MPHOSPH9: variants seen among roughly 807,000 people sequenced by gnomAD.
MPHOSPH9 encodes M-phase phosphoprotein 9.
A neutral mutation model predicts 145.5 loss-of-function variants in MPHOSPH9; 88 were observed. The ratio of observed to expected loss-of-function variants is 0.60; its 90% CI spans 0.51 to 0.72. MPHOSPH9 has a LOEUF of 0.72. Among genes scored for constraint, MPHOSPH9 ranks in the 30% least tolerant of loss-of-function variants. MPHOSPH9 has a pLI of 0.00. For synonymous variants in MPHOSPH9, 435 were observed against 486.2 expected (o/e 0.89, Z 1.39); for missense variants, 1,238 against 1,386.6 (o/e 0.89, Z 1.70).
intron 3 of MPHOSPH9, chr12:123,226,341 T>C (rs1370304951): frequency 4.2e-6 from 5 of 1,179,850 alleles, no homozygotes; most frequent in Non-Finnish European, 5.4e-6. Flanking sequence ...TCATTTCGCT[T>C]ACTCTACATT....
chr12:123,186,503 G>T (rs2045451263), intron 13 of MPHOSPH9, among the ~76,000 whole-genome samples: 1 of 152,024 alleles, frequency 6.6e-6, no homozygotes. Flanking sequence ...CATGGGAGGG[G>T]AGAGAAAGGA....
intron 4 of MPHOSPH9, 77 bp from the exon 5 acceptor site, chr12:123,221,972 A>G: frequency 1.3e-6 from 1 of 768,312 alleles, no homozygotes; most frequent in East Asian, 2.7e-5. Flanking sequence ...CAAGAATATC[A>G]TGTTTCAAAA....
rs1159487185 is a variant in MPHOSPH9 at position 123,159,203 on chromosome 12, C to T, written c.3450+1578G>A. 4.6e-5 allele frequency among the ~76,000 whole-genome samples: 7 copies of T among 152,086 alleles called. No homozygotes were observed. Among genetic ancestry groups the T allele is most frequent in the Admixed American group, 4.6e-4 (7 of 15,268 alleles). ...TTTCAGAGACGGAGTCTTGCTCTGT[C>T]ACCCAGGCCGAGTGCAGTGGCACGA... On this transcript the variant is annotated intron_variant, in intron 23 of 23. Transcript: ENST00000606320. The surrounding 1 kb of genome is among the most constrained non-coding windows in gnomAD (Gnocchi z 4.3).
At chr12:123,236,336 G>A (rs2047849806), upstream of MPHOSPH9, among the ~76,000 whole-genome samples, 1 of 151,956 alleles carries the variant, frequency 6.6e-6, no homozygotes, top group African/African-American at 2.4e-5. Flanking sequence ...GCTCACGCCT[G>A]TAATCCCATC....
chr12:123,198,793 G>C (rs1447110562), intron 11 of MPHOSPH9, among the ~76,000 whole-genome samples: 3 of 106,800 alleles, frequency 2.8e-5, no homozygotes, highest in African/African-American at 1.1e-4. Context: ...CTGAGTGACA[G>C]AGTGAGAACC....
chr12:123,243,529 CAA>C (rs55817401), intron 1 of MPHOSPH9, among the ~76,000 whole-genome samples: 13,643 of 117,634 alleles, frequency 0.12, 735 homozygotes, highest in East Asian at 0.3. Context: ...GACTCCGTCT[CAA>C]AAAAAAAAAA....
chr12:123,197,987 G>C (rs1027151561), intron 12 of MPHOSPH9, among the ~76,000 whole-genome samples: 12 of 151,552 alleles, frequency 7.9e-5, no homozygotes, highest in African/African-American at 2.7e-4. Context: ...AGGAGGCTGA[G>C]GCAGGAGAAT....
At chr12:123,165,538 G>C (rs1208182103) in intron 17 of MPHOSPH9, 61 bp from the exon 18 acceptor site, 3 of 1,413,634 alleles carry the variant, frequency 2.1e-6, no homozygotes, top group Non-Finnish European at 2.9e-6. Context: ...CTTGCCCCCC[G>C]CCCCCACACC....
Position 123,203,294 on chromosome 12 carries a change from C to T in MPHOSPH9, c.1276G>A (p.Glu426Lys). The change falls in exon 9 of 24, where the codon GAG (glutamate) becomes AAG (lysine). Residue 426 changes from glutamate to lysine, a missense_variant. Physicochemically the swap from Glu to Lys is moderately conservative, Grantham distance 56 (BLOSUM62 1). Transcript: ENST00000606320. ...TTGGAAGCAGAAGTGAGATTCCTCT[C>T]AGGTAACTGCTTGTTTTCCCTTTGT... The part of the protein sequence containing the change: ...KKQRENKQLP[E>K]RNLTSASNPN... The T allele has an allele frequency of 6.2e-7, 1 of 1,613,842 alleles. No individual in the cohort carries two copies. Among genetic ancestry groups the T allele is most frequent in the Non-Finnish European group, 8.5e-7 (1 of 1,179,776 alleles).
chr12:123,176,295 T>C (rs568787151), intron 16 of MPHOSPH9, among the ~76,000 whole-genome samples: 16 of 152,224 alleles, frequency 1.1e-4, no homozygotes, highest in African/African-American at 3.1e-4. Context: ...CTAATGAAGA[T>C]CCATCTTCAT....
At chr12:123,233,498 A>C (rs903711713), upstream of MPHOSPH9, 1 of 152,248 alleles carries the variant, frequency 6.6e-6, no homozygotes, top group East Asian at 1.9e-4. Flanking sequence ...ATATCCCTAG[A>C]ACGTTGAGGG....
At chr12:123,168,751 C>T (rs1218800894) in intron 16 of MPHOSPH9, among the ~76,000 whole-genome samples, 1 of 152,168 alleles carries the variant, frequency 6.6e-6, no homozygotes, top group Non-Finnish European at 1.5e-5. Flanking sequence ...ACAGGTGAAA[C>T]TTTTGAGTCA....
chr12:123,165,402 C>G lies in MPHOSPH9; in HGVS notation c.2667G>C (p.Glu889Asp). ...STSLLIKKQRETSDTPIMRAL... is the reference protein window; with the variant it reads ...STSLLIKKQRDTSDTPIMRAL... Reference sequence around the variant, plus strand: ...CTCTCATGATCGGCGTGTCTGAAGTCTCTCTTTGCTTTTTTATCAACAAGC... The same window carrying G: ...CTCTCATGATCGGCGTGTCTGAAGTGTCTCTTTGCTTTTTTATCAACAAGC... The change falls in exon 18 of 24, where the codon GAG becomes GAC. Residue 889 changes from glutamate to aspartate, a missense_variant. This residue lies in a region of MPHOSPH9 where 393 missense variants were observed against 462.5 expected (regional missense o/e 0.85). Coordinates refer to ENST00000606320, the MANE Select transcript of MPHOSPH9 (RefSeq NM_022782.4). 6.2e-7 allele frequency: 1 copy of G among 1,613,916 alleles called. No homozygotes were observed. The highest frequency in any genetic ancestry group is 8.5e-7 in the Non-Finnish European group (1 of 1,179,938).
At chr12:123,157,213 G>A (rs2043902810) in intron 23 of MPHOSPH9, among the ~76,000 whole-genome samples, 1 of 152,064 alleles carries the variant, frequency 6.6e-6, no homozygotes, top group Non-Finnish European at 1.5e-5. Flanking sequence ...CTCTGCTGAA[G>A]TGAGAACAGT....
At chr12:123,243,611 A>G (rs899962835) in intron 1 of MPHOSPH9, among the ~76,000 whole-genome samples, 1 of 152,024 alleles carries the variant, frequency 6.6e-6, no homozygotes, top group Non-Finnish European at 1.5e-5. Flanking sequence ...AGGCTGAGGC[A>G]GGAGAATCAC....
intron 13 of MPHOSPH9, among the ~76,000 whole-genome samples, chr12:123,189,435 T>C (rs1399885700): frequency 6.6e-6 from 1 of 152,148 alleles, no homozygotes; most frequent in African/African-American, 2.4e-5. Flanking sequence ...CTTGCACACA[T>C]TGGCATAAGG....
At chr12:123,200,751 C>T (rs1426676346) in intron 11 of MPHOSPH9, among the ~76,000 whole-genome samples, 1 of 151,326 alleles carries the variant, frequency 6.6e-6, no homozygotes, top group Non-Finnish European at 1.5e-5. Context: ...CTCTGCCTCT[C>T]GGGTTCAAGT....
At chr12:123,213,335 T>C (rs1057087326) in intron 7 of MPHOSPH9, among the ~76,000 whole-genome samples, 1 of 152,070 alleles carries the variant, frequency 6.6e-6, no homozygotes, top group Non-Finnish European at 1.5e-5. Flanking sequence ...GTGTACTAAA[T>C]GCATTTTCAA....
At chr12:123,191,448 G>A (rs1044736815) in intron 13 of MPHOSPH9, among the ~76,000 whole-genome samples, 3 of 152,124 alleles carry the variant, frequency 2.0e-5, no homozygotes, top group African/African-American at 7.2e-5. Context: ...GCATCACCAC[G>A]CCTAGCTAAT....
Sources: gnomAD v4.1 joint callset for allele counts (sites outside exome capture counted in the v4.1 genomes callset) on GRCh38, gnomAD v4.1.1 for gene constraint, gnomAD v4.1.1 regional missense constraint, Gnocchi (gnomAD v3.1) non-coding constraint, MANE v1.5 for transcripts, NCBI Gene and HGNC (gene_info 2026-07-23, HGNC 2026-07-21) for gene names.